SMG6: variants seen among roughly 807,000 people sequenced by gnomAD.
SMG6 encodes SMG6 nonsense mediated mRNA decay factor, also known as telomerase-binding protein EST1A.
Under a neutral mutation model 142.2 loss-of-function variants are expected in SMG6, and 66 were observed. The ratio of observed to expected loss-of-function variants is 0.46; its 90% CI spans 0.38 to 0.57. The LOEUF (loss-of-function observed/expected upper bound fraction) is 0.57. Ranked by LOEUF, SMG6 falls within the 20% of genes least tolerant of loss-of-function variation. SMG6 has a pLI of 0.00. For synonymous variants in SMG6, 779 were observed against 702.4 expected (o/e 1.11, Z -1.72); for missense variants, 1,793 against 1,832.0 (o/e 0.98, Z 0.39).
intron 13 of SMG6, among the ~76,000 whole-genome samples, chr17:2,118,423 C>T (rs935874933): frequency 6.6e-6 from 1 of 152,120 alleles, no homozygotes; most frequent in South Asian, 2.1e-4. Context: ...CCTGTAGTCC[C>T]AGTTACTCAG....
chr17:2,178,827 C>T (rs972812045), intron 12 of SMG6, among the ~76,000 whole-genome samples: 2 of 152,184 alleles, frequency 1.3e-5, no homozygotes, highest in South Asian at 2.1e-4. Flanking sequence ...GTGGAGCCCT[C>T]GGCGGCCTCC....
chr17:2,200,150 A>C (rs1169285925), intron 10 of SMG6: 4 of 151,728 alleles, frequency 2.6e-5, no homozygotes, highest in Non-Finnish European at 5.9e-5. Flanking sequence ...TGAACTCCTG[A>C]CCTCAAGTGA....
rs2068106743 is a variant in SMG6, at chr17:2,071,745, G to A, written c.3682-2814C>T. On this transcript the variant is annotated intron_variant, in intron 15 of 18. Coordinates refer to ENST00000263073, the MANE Select transcript of SMG6 (RefSeq NM_017575.5). This position sits in a 1 kb window ranked among gnomAD's most constrained non-coding sequence, Gnocchi z 5.6. Reference sequence around the variant, plus strand: ...GGTACCGGTGGGCCTCTGGGCGGGGGGGGTCACACCTGGGTCACAAGACTG... The same window carrying A: ...GGTACCGGTGGGCCTCTGGGCGGGGAGGGTCACACCTGGGTCACAAGACTG... 6.6e-6 allele frequency among the ~76,000 whole-genome samples: 1 copy of A among 152,134 alleles called. No individual in the cohort carries two copies. Among genetic ancestry groups the A allele is most frequent in the African/African-American group, 2.4e-5 (1 of 41,440 alleles).
At chr17:2,120,183 C>A (rs574619875) in intron 13 of SMG6, among the ~76,000 whole-genome samples, 1 of 152,178 alleles carries the variant, frequency 6.6e-6, no homozygotes, top group East Asian at 1.9e-4. Flanking sequence ...AAAGTAATAA[C>A]CATAAAAGAA....
At chr17:2,077,239 C>T (rs1417501843) in intron 15 of SMG6, among the ~76,000 whole-genome samples, 5 of 152,140 alleles carry the variant, frequency 3.3e-5, no homozygotes, top group Admixed American at 6.6e-5. Flanking sequence ...ACATGCCTCC[C>T]GATTCCAAGG....
At position 2,143,963 on chromosome 17, in the gene SMG6, C is replaced by A. The variant is rs77388342; in HGVS notation, c.3357+28695G>T. ...CTGCAAGTGGCAGGATCATGGCTCA[C>A]TGAAGGCTGAAACTCCTGGACTTAA... On this transcript the variant is annotated intron_variant, in intron 13 of 18. Coordinates refer to ENST00000263073, the MANE Select transcript of SMG6 (RefSeq NM_017575.5). Among the ~76,000 whole-genome samples, 287 of 151,490 alleles carry A rather than the reference C, an allele frequency of 1.9e-3. 2 individuals carry two copies. The highest frequency in any genetic ancestry group is 5.9e-3 in the African/African-American group (244 of 41,244).
At chr17:2,151,727 A>G (rs1351330924) in intron 13 of SMG6, among the ~76,000 whole-genome samples, 3 of 152,184 alleles carry the variant, frequency 2.0e-5, no homozygotes, top group African/African-American at 7.2e-5. Flanking sequence ...CTTTTATCCA[A>G]TGGGGCAGGA....
chr17:2,095,924 C>T (rs1436667593), intron 13 of SMG6, among the ~76,000 whole-genome samples: 1 of 151,736 alleles, frequency 6.6e-6, no homozygotes, highest in African/African-American at 2.4e-5. Flanking sequence ...AGGCAACCCC[C>T]TTTGCTATAC....
chr17:2,120,358 C>A lies in SMG6; in HGVS notation c.3358-34457G>T, dbSNP rs79081649. Among the ~76,000 whole-genome samples, 564 of 152,170 alleles carry A rather than the reference C, an allele frequency of 3.7e-3. 1 individual carries two copies. The highest frequency in any genetic ancestry group is 0.013 in the African/African-American group (528 of 41,510). On this transcript the variant is annotated intron_variant, in intron 13 of 18. Coordinates refer to ENST00000263073, the MANE Select transcript of SMG6 (RefSeq NM_017575.5). ...TAAGGAACTCAACAAGAAAATAACT[C>A]AAGAAAATGGGAGGAAGATGTGAAA...
chr17:2,125,616 C>T (rs924661615), intron 13 of SMG6, among the ~76,000 whole-genome samples: 3 of 152,198 alleles, frequency 2.0e-5, no homozygotes, highest in Admixed American at 1.3e-4. Context: ...CTATCAAAAT[C>T]CCAATGGCAT....
At chr17:2,197,902 G>T (rs1027592946) in intron 10 of SMG6, among the ~76,000 whole-genome samples, 1 of 152,190 alleles carries the variant, frequency 6.6e-6, no homozygotes, top group African/African-American at 2.4e-5. Context: ...TGGTATAGCT[G>T]CTCTGGAAAA....
intron 10 of SMG6, among the ~76,000 whole-genome samples, chr17:2,224,724 C>CA (rs2073268325): frequency 6.6e-6 from 1 of 151,912 alleles, no homozygotes. Flanking sequence ...GAAAACCAAC[C>CA]AACCAACCAA....
intron 13 of SMG6, among the ~76,000 whole-genome samples, chr17:2,093,691 T>A (rs914557216): frequency 1.8e-4 from 27 of 152,098 alleles, no homozygotes; most frequent in East Asian, 7.7e-4. Context: ...GCAAAAAAAA[T>A]TTTTTTTAAA....
chr17:2,137,295 C>T (rs1007587811), intron 13 of SMG6, among the ~76,000 whole-genome samples: 1 of 152,120 alleles, frequency 6.6e-6, no homozygotes, highest in Non-Finnish European at 1.5e-5. Flanking sequence ...GAAGGGAGTA[C>T]CAAAAGTGGT....
chr17:2,274,440 T>C (rs766539324), intron 8 of SMG6, among the ~76,000 whole-genome samples: 1 of 151,772 alleles, frequency 6.6e-6, no homozygotes, highest in South Asian at 2.1e-4. Context: ...AAAGACATTA[T>C]GCAAATAAAT....
At position 2,110,899 on chromosome 17, in the gene SMG6, C is replaced by T. The variant is rs188355103; in HGVS notation, c.3358-24998G>A. On this transcript the variant is annotated intron_variant, in intron 13 of 18. Transcript: ENST00000263073. ...ATATGTATTTACTGTGAAAATTAAGCGGCTCCAATTCCATTTCGATGTGTA... is the reference window on the plus strand; with the variant it reads ...ATATGTATTTACTGTGAAAATTAAGTGGCTCCAATTCCATTTCGATGTGTA... Among the ~76,000 whole-genome samples the T allele has an allele frequency of 3.9e-5, 6 of 152,122 alleles. No individual in the cohort carries two copies. In the East Asian group the frequency reaches 7.7e-4, roughly 20 times the overall value.
chr17:2,269,177 A>G (rs2074491828), intron 8 of SMG6, among the ~76,000 whole-genome samples: 1 of 139,668 alleles, frequency 7.2e-6, no homozygotes. Flanking sequence ...CCGAGATCGC[A>G]GCACTGCACT....
chr17:2,260,374 G>A (rs372207448), intron 8 of SMG6, among the ~76,000 whole-genome samples: 6 of 152,198 alleles, frequency 3.9e-5, no homozygotes, highest in African/African-American at 1.4e-4. Flanking sequence ...CCACAGCACT[G>A]TTGGTGAGAG....
chr17:2,231,219 C>A (rs1008399178), intron 10 of SMG6, among the ~76,000 whole-genome samples: 1 of 152,108 alleles, frequency 6.6e-6, no homozygotes, highest in Non-Finnish European at 1.5e-5. Flanking sequence ...ACTTCGGTTG[C>A]GAACCAAACT....
Sources: allele counts gnomAD v4.1 joint callset (sites outside exome capture counted in the v4.1 genomes callset), GRCh38; gene constraint gnomAD v4.1.1; non-coding constraint Gnocchi (gnomAD v3.1); transcripts MANE v1.5; gene names NCBI Gene and HGNC (gene_info 2026-07-23, HGNC 2026-07-21).